Variants in PCDHGA2 observed in about 807,000 individuals in gnomAD.
PCDHGA2 encodes protocadherin gamma-A2.
PCDHGA2 carries 40 observed loss-of-function variants against 59.2 expected under a neutral mutation model. The ratio of observed to expected loss-of-function variants is 0.68; its 90% confidence interval spans 0.52 to 0.88. The LOEUF (loss-of-function observed/expected upper bound fraction) is 0.88, where lower values mean the gene tolerates loss of function less well. Among genes scored for constraint, PCDHGA2 ranks in the 40% least tolerant of loss-of-function variants. PCDHGA2 has a pLI of 0.00. For synonymous variants in PCDHGA2, 560 were observed against 526.0 expected, an observed-to-expected ratio of 1.06 and a Z score of -0.89; for missense variants, 1,226 against 1,204.0, an observed-to-expected ratio of 1.02 and a Z score of -0.27.
At position 141,476,565 on chromosome 5, in the gene PCDHGA2, C is replaced by A; in HGVS notation, c.2425-18242C>A. 1 of 1,614,184 alleles carries A rather than the reference C, an allele frequency of 6.2e-7. No homozygotes were observed. ...TTGGAGATTAGCGAGGCCGTGGCTC[C>A]GGGGACGCGCTTTCCGCTCGAGAGC... On this transcript the variant is annotated intron_variant, in intron 1 of 3. Coordinates refer to ENST00000394576, the MANE Select transcript of PCDHGA2 (RefSeq NM_018915.4). The surrounding 1 kb of genome is among the most constrained non-coding windows in gnomAD (Gnocchi z 7.6).
chr5:141,468,443 G>A (rs760789357), intron 1 of PCDHGA2: 6 of 152,124 alleles, frequency 3.9e-5, no homozygotes, highest in Non-Finnish European at 8.8e-5. Context: ...AAATGTGGGT[G>A]CAAAATTAAA....
At chr5:141,409,125 A>AT in intron 1 of PCDHGA2, 1 of 1,613,982 alleles carries the variant, frequency 6.2e-7, no homozygotes, top group African/African-American at 1.3e-5. Flanking sequence ...CAGTCATTTG[A>AT]TTTTGAAGAT....
chr5:141,423,544 C>G, intron 1 of PCDHGA2: 1 of 1,613,744 alleles, frequency 6.2e-7, no homozygotes, highest in African/African-American at 1.3e-5. Flanking sequence ...GATTTTCCCC[C>G]AGCCCAACTA....
intron 1 of PCDHGA2, among the ~76,000 whole-genome samples, chr5:141,492,095 CT>C (rs1047956109): frequency 6.6e-6 from 1 of 152,232 alleles, no homozygotes; most frequent in African/African-American, 2.4e-5. Context: ...CTTCGCCGGT[CT>C]GTAGATTTCC....
intron 1 of PCDHGA2, among the ~76,000 whole-genome samples, chr5:141,488,225 T>G (rs2099673126): frequency 6.6e-6 from 1 of 152,136 alleles, no homozygotes. Flanking sequence ...CTACTGGGGA[T>G]TTGAACTAGA....
At chr5:141,394,268 C>A in intron 1 of PCDHGA2, 3 of 1,613,946 alleles carry the variant, frequency 1.9e-6, no homozygotes, top group Non-Finnish European at 2.5e-6. Flanking sequence ...AGGAGAATGC[C>A]CAGGTCACTT....
At position 141,341,019 on chromosome 5, in the gene PCDHGA2, T is replaced by C; in HGVS notation, c.2048T>C (p.Ile683Thr). ...CTGGGCAGCCTCGAGCCCTCCGCCATACCCAACGATTCGGACCTCACTCTG... is the reference window on the plus strand; with the variant it reads ...CTGGGCAGCCTCGAGCCCTCCGCCACACCCAACGATTCGGACCTCACTCTG... ...ADLGSLEPSA[I>T]PNDSDLTLYL... Residue 683 changes from isoleucine (I) to threonine (T), a missense_variant, in exon 1 of 4, where the codon ATA becomes ACA. Ile to Thr is a moderately conservative substitution (Grantham distance 89). Coordinates refer to ENST00000394576, the MANE Select transcript of PCDHGA2 (RefSeq NM_018915.4). 6.2e-7 allele frequency: 1 copy of C among 1,613,948 alleles called. No homozygotes were observed. The highest frequency in any genetic ancestry group is 8.5e-7 in the Non-Finnish European group (1 of 1,179,954).
At chr5:141,418,409 G>T in intron 1 of PCDHGA2, 1 of 1,613,910 alleles carries the variant, frequency 6.2e-7, no homozygotes, top group Non-Finnish European at 8.5e-7. Flanking sequence ...GGTGGAGAAA[G>T]ACAATCCTGA....
intron 1 of PCDHGA2, chr5:141,410,254 C>T: frequency 3.1e-6 from 5 of 1,614,020 alleles, no homozygotes; most frequent in Non-Finnish European, 3.4e-6. Flanking sequence ...TCTCTGACCC[C>T]CAGGCTGAAC....
At chr5:141,436,752 A>G (rs2097844842) in intron 1 of PCDHGA2, among the ~76,000 whole-genome samples, 2 of 152,194 alleles carry the variant, frequency 1.3e-5, no homozygotes, top group South Asian at 4.1e-4. Context: ...GCTTCTCCAT[A>G]TGGTATAATG....
rs768265171 is a variant in PCDHGA2, at chr5:141,432,847, G to T, written c.2425-61960G>T. The T allele has an allele frequency of 6.2e-7, 1 of 1,614,180 alleles. No homozygotes were observed. On this transcript the variant is annotated intron_variant, in intron 1 of 3. Transcript: ENST00000394576. The surrounding 1 kb of genome is among the most constrained non-coding windows in gnomAD (Gnocchi z 6.0). ...ACCTCACTCTGTACCTGGTGGTAGC[G>T]GTGGCCGCGGTCTCCTGCGTCTTCC...
In PCDHGA2 at chr5:141,490,134, C is replaced by G; in HGVS notation, c.2425-4673C>G. On this transcript the variant is annotated intron_variant, in intron 1 of 3. Transcript: ENST00000394576. This position sits in a 1 kb window ranked among gnomAD's most constrained non-coding sequence, Gnocchi z 5.4. ...GGAACCTCTTTGGCCTAGACCCTAG[C>G]AGTGGGGCAATCCATGTGTTGGGTC... The G allele has an allele frequency of 1.2e-6, 2 of 1,614,232 alleles. No homozygotes were observed. The highest frequency in any genetic ancestry group is 1.7e-6 in the Non-Finnish European group (2 of 1,180,030).
intron 1 of PCDHGA2, chr5:141,385,131 C>T (rs371376308): frequency 4.3e-6 from 7 of 1,614,082 alleles, no homozygotes; most frequent in Admixed American, 1.7e-5. Flanking sequence ...TGGGCATGGA[C>T]GGGGTGCAGG....
rs776335336 is a variant in PCDHGA2 at position 141,403,470 on chromosome 5, G to A, written c.2424+62075G>A. The A allele has an allele frequency of 3.7e-5, 59 of 1,613,910 alleles. No homozygotes were observed. Among genetic ancestry groups the A allele is most frequent in the Non-Finnish European group, 4.8e-5 (57 of 1,179,918 alleles). ...AACTCCCTCCAGAGCTACCAGCTCAGCCCCAATCACCACTTCTCCCTGAAC... is the reference window on the plus strand; with the variant it reads ...AACTCCCTCCAGAGCTACCAGCTCAACCCCAATCACCACTTCTCCCTGAAC... On this transcript the variant is annotated intron_variant, in intron 1 of 3. Coordinates refer to ENST00000394576, the MANE Select transcript of PCDHGA2 (RefSeq NM_018915.4).
intron 1 of PCDHGA2, chr5:141,357,352 C>A (rs1341933650): frequency 6.2e-7 from 1 of 1,614,156 alleles, no homozygotes; most frequent in Admixed American, 1.7e-5. Flanking sequence ...CAAGCTGAGA[C>A]GCTGGCACAA....
In PCDHGA2 at chr5:141,413,305, G is replaced by A. The variant is rs780711139; in HGVS notation, c.2424+71910G>A. 1.5e-5 allele frequency: 25 copies of A among 1,613,870 alleles called. No individual in the cohort carries two copies. The South Asian group carries it at 2.0e-4, about 13-fold the overall frequency. ...CTCCTACTCAATTCCTGAGGAATTA[G>A]AGAAAGGCTCTTTCGTGGGCAACAT... is the stretch of plus-strand genomic sequence containing the variant. On this transcript the variant is annotated intron_variant, in intron 1 of 3. Transcript: ENST00000394576.
At chr5:141,454,789 G>T (rs1368681394) in intron 1 of PCDHGA2, among the ~76,000 whole-genome samples, 1 of 129,576 alleles carries the variant, frequency 7.7e-6, no homozygotes, top group African/African-American at 3.1e-5. Flanking sequence ...AATCCTCCAT[G>T]GTTCTAATTT....
At chr5:141,468,965 T>C (rs2099187692) in intron 1 of PCDHGA2, among the ~76,000 whole-genome samples, 1 of 151,738 alleles carries the variant, frequency 6.6e-6, no homozygotes, top group Admixed American at 6.6e-5. Context: ...TTTTTTACCT[T>C]AGGCTTTTGA....
intron 1 of PCDHGA2, chr5:141,393,237 AT>A: frequency 1.2e-6 from 2 of 1,613,802 alleles, no homozygotes; most frequent in South Asian, 1.1e-5. Flanking sequence ...AGAAGTAAAA[AT>A]TAACGAAATC....
Sources: gnomAD v4.1 joint callset for allele counts (sites outside exome capture counted in the v4.1 genomes callset) on GRCh38, gnomAD v4.1.1 for gene constraint, Gnocchi (gnomAD v3.1) non-coding constraint, MANE v1.5 for transcripts, NCBI Gene and HGNC (gene_info 2026-07-23, HGNC 2026-07-21) for gene names.